Variants in CNTNAP2 observed in about 807,000 individuals in gnomAD.
CNTNAP2 encodes contactin-associated protein-like 2.
A neutral mutation model predicts 155.2 loss-of-function variants in CNTNAP2; 98 were observed. That is an observed-to-expected ratio of 0.63 (90% CI 0.54 to 0.75). The LOEUF (loss-of-function observed/expected upper bound fraction) is 0.75, where lower values mean the gene tolerates loss of function less well. Among genes scored for constraint, CNTNAP2 ranks in the 30% least tolerant of loss-of-function variants. CNTNAP2 has a pLI of 0.00. For synonymous variants in CNTNAP2, 651 were observed against 631.2 expected (o/e 1.03, Z -0.47); for missense variants, 1,727 against 1,688.1 (o/e 1.02, Z -0.40).
chr7:147,913,028 A>G (rs57708946), intron 14 of CNTNAP2, among the ~76,000 whole-genome samples: 32,731 of 152,222 alleles, frequency 0.22, 3,743 homozygotes, highest in Middle Eastern at 0.3. Flanking sequence ...GTGTGCAGTG[A>G]CAATATCAGT....
At position 148,294,826 on chromosome 7, in the gene CNTNAP2, ATATAT is replaced by A. The variant is rs140297751; in HGVS notation, c.3475+27706_3475+27710del. Among the ~76,000 whole-genome samples, 56 of 152,264 alleles carry A rather than the reference ATATAT, an allele frequency of 3.7e-4. No homozygotes were observed. The East Asian group carries it at 8.1e-3, about 22-fold the overall frequency. On this transcript the variant is annotated intron_variant, in intron 21 of 23. Coordinates refer to ENST00000361727, the MANE Select transcript of CNTNAP2 (RefSeq NM_014141.6). Reference sequence around the variant, plus strand: ...CTTGAGGTGGCAAAAATAAACATATATATATTATATCATCCAAAAGTATTTGCATA... The same window carrying A: ...CTTGAGGTGGCAAAAATAAACATATATATATCATCCAAAAGTATTTGCATA...
At chr7:147,465,877 A>G (rs891856575) in intron 10 of CNTNAP2, among the ~76,000 whole-genome samples, 2 of 152,172 alleles carry the variant, frequency 1.3e-5, no homozygotes, top group Non-Finnish European at 2.9e-5. Flanking sequence ...ACCTTATGGT[A>G]TCTTCTGAAT....
intron 3 of CNTNAP2, among the ~76,000 whole-genome samples, chr7:146,909,455 A>T (rs1311858199): frequency 1.5e-3 from 73 of 48,640 alleles, no homozygotes; most frequent in African/African-American, 6.0e-3. Flanking sequence ...CTTATCCACC[A>T]TGATCAAGTG....
At chr7:146,977,333 A>C (rs1434273610) in intron 3 of CNTNAP2, among the ~76,000 whole-genome samples, 1 of 152,206 alleles carries the variant, frequency 6.6e-6, no homozygotes, top group Non-Finnish European at 1.5e-5. Context: ...CCATATGTGC[A>C]TAGATGGACT....
At chr7:146,829,565 AT>A (rs539238208) in intron 2 of CNTNAP2, among the ~76,000 whole-genome samples, 11 of 150,068 alleles carry the variant, frequency 7.3e-5, no homozygotes, top group East Asian at 1.9e-4. Flanking sequence ...GTCGAAAAGT[AT>A]TTTTTTTTTA....
chr7:147,740,232 A>G (rs1438343977), intron 13 of CNTNAP2, among the ~76,000 whole-genome samples: 1 of 151,428 alleles, frequency 6.6e-6, no homozygotes, highest in Non-Finnish European at 1.5e-5. Context: ...TTTTCAAAAC[A>G]TTTTCTAAGA....
At chr7:146,846,199 T>C (rs1803837586) in intron 3 of CNTNAP2, among the ~76,000 whole-genome samples, 3 of 152,168 alleles carry the variant, frequency 2.0e-5, no homozygotes, top group African/African-American at 7.2e-5. Context: ...CCCCAAAAGA[T>C]GAGTATTACC....
intron 1 of CNTNAP2, among the ~76,000 whole-genome samples, chr7:146,536,336 A>G (rs1315101056): frequency 6.6e-6 from 1 of 152,160 alleles, no homozygotes; most frequent in East Asian, 1.9e-4. Context: ...TTAGTTCCAC[A>G]TCATTAATAT....
intron 1 of CNTNAP2, among the ~76,000 whole-genome samples, chr7:146,267,436 T>G (rs988333370): frequency 6.6e-6 from 1 of 152,152 alleles, no homozygotes; most frequent in Non-Finnish European, 1.5e-5. Context: ...ATCCTAGATA[T>G]TATAAAAAAT....
intron 10 of CNTNAP2, among the ~76,000 whole-genome samples, chr7:147,465,756 C>CA (rs1798109658): frequency 1.3e-5 from 2 of 152,088 alleles, no homozygotes; most frequent in African/African-American, 4.8e-5. Context: ...TCCAGTGCCC[C>CA]AAAGTCATGG....
At chr7:147,083,886 A>G (rs1483636793) in intron 4 of CNTNAP2, among the ~76,000 whole-genome samples, 3 of 140,562 alleles carry the variant, frequency 2.1e-5, no homozygotes, top group Admixed American at 1.5e-4. Flanking sequence ...ATATACATAT[A>G]CACATGTATG....
chr7:147,510,850 C>CACATATATATATATATATATATAT (rs1554400056), intron 11 of CNTNAP2, among the ~76,000 whole-genome samples: 1 of 76,404 alleles, frequency 1.3e-5, no homozygotes, highest in South Asian at 5.6e-4. Flanking sequence ...GGCCTACAAC[C>CACATATATATATATATATATATAT]ATATATATAT....
chr7:147,505,344 C>G (rs562519895), intron 11 of CNTNAP2, among the ~76,000 whole-genome samples: 3 of 145,928 alleles, frequency 2.1e-5, no homozygotes, highest in South Asian at 4.1e-4. Flanking sequence ...CTATAAAAGA[C>G]CTTCAAACAA....
intron 23 of CNTNAP2, among the ~76,000 whole-genome samples, chr7:148,410,967 C>T (rs998341987): frequency 5.9e-5 from 9 of 152,054 alleles, no homozygotes; most frequent in South Asian, 4.2e-4. Context: ...TCCTTATATA[C>T]GTGTAACAAA....
chr7:146,901,749 G>GA (rs34534849), intron 3 of CNTNAP2, among the ~76,000 whole-genome samples: 1 of 151,564 alleles, frequency 6.6e-6, no homozygotes, highest in Non-Finnish European at 1.5e-5. Context: ...TCAGGACTCT[G>GA]AAAAAAATTA....
intron 2 of CNTNAP2, among the ~76,000 whole-genome samples, chr7:146,788,318 A>G (rs1294590686): frequency 6.6e-6 from 1 of 152,232 alleles, no homozygotes; most frequent in East Asian, 1.9e-4. Flanking sequence ...GAGGCCGAGG[A>G]GGCACCAAGA....
chr7:148,031,773 T>C (rs1473891902), intron 15 of CNTNAP2, among the ~76,000 whole-genome samples: 1 of 152,164 alleles, frequency 6.6e-6, no homozygotes, highest in Non-Finnish European at 1.5e-5. Flanking sequence ...CTCTTTCCTT[T>C]TTCCTGGCTG....
At chr7:147,196,184 A>G (rs1451825172) in intron 8 of CNTNAP2, among the ~76,000 whole-genome samples, 1 of 152,212 alleles carries the variant, frequency 6.6e-6, no homozygotes, top group African/African-American at 2.4e-5. Context: ...CTCAAAAATC[A>G]TAAGAAAATA....
chr7:146,222,542 GTGT>G (rs1158037388), intron 1 of CNTNAP2, among the ~76,000 whole-genome samples: 1 of 2,856 alleles, frequency 3.5e-4, no homozygotes, highest in African/African-American at 1.0e-3. Context: ...CTAAAGCATA[GTGT>G]GTGTGTGTGT....
Sources: allele counts gnomAD v4.1 joint callset (sites outside exome capture counted in the v4.1 genomes callset), GRCh38; gene constraint gnomAD v4.1.1; transcripts MANE v1.5; gene names NCBI Gene and HGNC (gene_info 2026-07-23, HGNC 2026-07-21).